Variants in CCDC6 observed in about 807,000 individuals in gnomAD.
CCDC6 encodes the protein coiled-coil domain-containing protein 6.
A neutral mutation model predicts 56.6 loss-of-function variants in CCDC6; 20 were observed. That is an observed-to-expected ratio of 0.35 (90% CI 0.25 to 0.51). The LOEUF (loss-of-function observed/expected upper bound fraction) is 0.51. CCDC6 is among the 20% of genes least tolerant of loss of function. The pLI, the probability that CCDC6 is intolerant of heterozygous loss-of-function variation, is 0.95. For missense variants in CCDC6, 367 were observed against 601.1 expected (o/e 0.61, Z 4.07); for synonymous variants, 241 against 234.4 (o/e 1.03, Z -0.26).
At chr10:59,859,970 T>A (rs2071114043) in intron 1 of CCDC6, among the ~76,000 whole-genome samples, 1 of 152,198 alleles carries the variant, frequency 6.6e-6, no homozygotes, top group South Asian at 2.1e-4. Context: ...TAATCCCAGC[T>A]ACTCGGAAAG....
chr10:59,855,768 A>C (rs185003309), intron 1 of CCDC6, among the ~76,000 whole-genome samples: 1 of 152,296 alleles, frequency 6.6e-6, no homozygotes, highest in African/African-American at 2.4e-5. Flanking sequence ...TGTGAATTGA[A>C]TTATATCTTG....
At chr10:59,795,879 T>A (rs1054156801) in intron 7 of CCDC6, among the ~76,000 whole-genome samples, 5 of 152,148 alleles carry the variant, frequency 3.3e-5, no homozygotes, top group East Asian at 1.9e-4. Flanking sequence ...TCTATCGTTG[T>A]TGGACATTTG....
intron 2 of CCDC6, among the ~76,000 whole-genome samples, chr10:59,842,663 T>A (rs1564746617): frequency 6.6e-6 from 1 of 152,168 alleles, no homozygotes; most frequent in African/African-American, 2.4e-5. Context: ...TTTTCTGAAC[T>A]ACACTTAAGT....
chr10:59,869,389 C>CAAAAAAAAAAAAAA (rs1167007522), intron 1 of CCDC6, among the ~76,000 whole-genome samples: 12 of 6,088 alleles, frequency 2.0e-3, no homozygotes, highest in Non-Finnish European at 3.3e-3. Flanking sequence ...CTTGCTCAGG[C>CAAAAAAAAAAAAAA]AAAAAAAAAA....
At chr10:59,815,921 T>C (rs1265555508) in intron 3 of CCDC6, among the ~76,000 whole-genome samples, 1 of 152,170 alleles carries the variant, frequency 6.6e-6, no homozygotes, top group African/African-American at 2.4e-5. Context: ...TTTAAAGCAA[T>C]CAAACATCAG....
intron 1 of CCDC6, among the ~76,000 whole-genome samples, chr10:59,898,486 T>G (rs1344577906): frequency 6.6e-6 from 1 of 152,224 alleles, no homozygotes; most frequent in Non-Finnish European, 1.5e-5. Flanking sequence ...TTCCCCTCCC[T>G]GGGAACCCCT....
chr10:59,810,093 G>A (rs753670240), intron 5 of CCDC6, among the ~76,000 whole-genome samples: 1 of 152,170 alleles, frequency 6.6e-6, no homozygotes, highest in Non-Finnish European at 1.5e-5. Flanking sequence ...AGCTGGCCAG[G>A]CGATGCCAAC....
At chr10:59,829,444 T>G (rs2070816813) in intron 3 of CCDC6, among the ~76,000 whole-genome samples, 1 of 152,182 alleles carries the variant, frequency 6.6e-6, no homozygotes, top group African/African-American at 2.4e-5. Flanking sequence ...AATGAAAACA[T>G]ATGTCCACAC....
intron 1 of CCDC6, among the ~76,000 whole-genome samples, chr10:59,900,293 T>C (rs995277054): frequency 5.3e-5 from 8 of 151,932 alleles, no homozygotes; most frequent in African/African-American, 1.9e-4. Flanking sequence ...AAAGAGGAAG[T>C]ATCAGGGCAT....
In CCDC6 at chr10:59,792,051, A is replaced by C; in HGVS notation, c.*866T>G. ...TTAAGAGAACACAAATGAAGTACGA[A>C]AGGGGGAAGCCGCATTGTTTTTGTT... is the stretch of plus-strand genomic sequence containing the variant. On this transcript the variant is annotated 3_prime_UTR_variant, in exon 9 of 9. Coordinates refer to ENST00000263102, the MANE Select transcript of CCDC6 (RefSeq NM_005436.5). The C allele has an allele frequency of 4.4e-6, 1 of 226,632 alleles. No individual in the cohort carries two copies. Among genetic ancestry groups the C allele is most frequent in the East Asian group, 6.5e-5 (1 of 15,442 alleles). 14.0% of individuals were successfully genotyped at this position (226,632 alleles called of 1,614,324 possible).
At chr10:59,862,464 G>C (rs1262891208) in intron 1 of CCDC6, among the ~76,000 whole-genome samples, 1 of 145,904 alleles carries the variant, frequency 6.9e-6, no homozygotes, top group Non-Finnish European at 1.5e-5. Context: ...CTCCAGTATG[G>C]GTGACAGAGC....
At chr10:59,807,880 T>C (rs2070639742) in intron 5 of CCDC6, among the ~76,000 whole-genome samples, 1 of 152,184 alleles carries the variant, frequency 6.6e-6, no homozygotes, top group Non-Finnish European at 1.5e-5. Context: ...TGCACAGTGG[T>C]GGCGGCACAC....
intron 7 of CCDC6, among the ~76,000 whole-genome samples, chr10:59,800,771 C>A (rs941727558): frequency 4.6e-5 from 7 of 151,958 alleles, no homozygotes; most frequent in Non-Finnish European, 1.0e-4. Flanking sequence ...ATAACCCCTC[C>A]CCACCAGAAC....
In CCDC6 at chr10:59,796,294, C is replaced by G. The variant is rs550149212; in HGVS notation, c.1106-1697G>C. Reference sequence around the variant, plus strand: ...TGTCTTCTTTTGAGAAGTGTCTGTTCATGTCCTTCGCCCACTTTTTGATGG... The same window carrying G: ...TGTCTTCTTTTGAGAAGTGTCTGTTGATGTCCTTCGCCCACTTTTTGATGG... On this transcript the variant is annotated intron_variant, in intron 7 of 8. Transcript: ENST00000263102. 2.2e-4 allele frequency among the ~76,000 whole-genome samples: 30 copies of G among 134,438 alleles called. 1 individual carries two copies. In the South Asian group the frequency reaches 4.9e-3, roughly 22 times the overall value. 88.2% of individuals were successfully genotyped at this position (134,438 alleles called of 152,430 possible).
At chr10:59,880,816 C>A (rs1564755456) in intron 1 of CCDC6, among the ~76,000 whole-genome samples, 1 of 152,162 alleles carries the variant, frequency 6.6e-6, no homozygotes, top group Non-Finnish European at 1.5e-5. Context: ...TACTCACAGG[C>A]TCCTTTTGAG....
chr10:59,845,422 C>T (rs916299157), intron 2 of CCDC6, among the ~76,000 whole-genome samples: 16 of 145,506 alleles, frequency 1.1e-4, no homozygotes, highest in Non-Finnish European at 5.9e-5. Context: ...CACATGTGCA[C>T]ACACACTTTA....
At chr10:59,905,076 G>A (rs1034662134) in intron 1 of CCDC6, among the ~76,000 whole-genome samples, 1 of 152,192 alleles carries the variant, frequency 6.6e-6, no homozygotes, top group South Asian at 2.1e-4. Flanking sequence ...CTCTGCTTCT[G>A]GCTGGGGAAC....
At chr10:59,822,530 G>T (rs1589040890) in intron 3 of CCDC6, among the ~76,000 whole-genome samples, 2 of 152,168 alleles carry the variant, frequency 1.3e-5, no homozygotes, top group Non-Finnish European at 2.9e-5. Flanking sequence ...GAAGTCCTCA[G>T]GAAAGAAATG....
At chr10:59,855,281 C>T (rs548957170) in intron 1 of CCDC6, among the ~76,000 whole-genome samples, 2 of 152,306 alleles carry the variant, frequency 1.3e-5, no homozygotes, top group South Asian at 2.1e-4. Context: ...TACATTGTGG[C>T]TCTAGGCCAG....
Sources: gnomAD v4.1 joint callset for allele counts (sites outside exome capture counted in the v4.1 genomes callset) on GRCh38, gnomAD v4.1.1 for gene constraint, MANE v1.5 for transcripts, NCBI Gene and HGNC (gene_info 2026-07-23, HGNC 2026-07-21) for gene names.